The following PTPRD variants were observed in gnomAD, a reference collection of about 807,000 sequenced individuals.
PTPRD encodes protein tyrosine phosphatase receptor type D, also known as receptor-type tyrosine-protein phosphatase delta.
A neutral mutation model predicts 214.5 loss-of-function variants in PTPRD; 34 were observed. The observed-to-expected ratio is 0.16, with a 90% CI of 0.12 to 0.21. The LOEUF (loss-of-function observed/expected upper bound fraction) is 0.21, where lower values mean the gene tolerates loss of function less well. PTPRD is among the 10% of genes least tolerant of loss of function. The pLI is 1.00. For synonymous variants in PTPRD, 1,128 were observed against 845.7 expected (o/e 1.33, Z -5.79); for missense variants, 2,545 against 2,398.7 (o/e 1.06, Z -1.27).
intron 3 of PTPRD, among the ~76,000 whole-genome samples, chr9:10,339,097 GATAC>G (rs2096894304): frequency 6.6e-6 from 1 of 151,634 alleles, no homozygotes; most frequent in Admixed American, 6.6e-5. Context: ...TTTATTAGTG[GATAC>G]ATGTAAGTCC....
At chr9:8,688,869 G>T (rs2097748107) in intron 12 of PTPRD, among the ~76,000 whole-genome samples, 1 of 152,078 alleles carries the variant, frequency 6.6e-6, no homozygotes. Context: ...AATCTCTAAA[G>T]TCCCTTGCAG....
At chr9:9,115,101 G>A (rs1036937790) in intron 10 of PTPRD, among the ~76,000 whole-genome samples, 7 of 152,130 alleles carry the variant, frequency 4.6e-5, no homozygotes, top group African/African-American at 1.7e-4. Flanking sequence ...CTACGGTGTT[G>A]TTGGAGGTAG....
intron 3 of PTPRD, among the ~76,000 whole-genome samples, chr9:10,126,946 C>CTTTTT (rs34691762): frequency 8.4e-5 from 11 of 130,572 alleles, no homozygotes; most frequent in African/African-American, 1.9e-4. Context: ...CTCAAATGGA[C>CTTTTT]TTTTTTTTTT....
chr9:8,612,583 C>A (rs894768150), intron 14 of PTPRD, among the ~76,000 whole-genome samples: 13 of 152,174 alleles, frequency 8.5e-5, no homozygotes, highest in African/African-American at 3.1e-4. Context: ...TCAGAAGAAG[C>A]AAGACAGAAG....
intron 14 of PTPRD, among the ~76,000 whole-genome samples, chr9:8,633,033 G>A (rs2091216530): frequency 6.6e-6 from 1 of 151,858 alleles, no homozygotes; most frequent in South Asian, 2.1e-4. Flanking sequence ...ACCATATCCT[G>A]TTTCCTTTCT....
chr9:8,721,260 T>C (rs1485086031), intron 12 of PTPRD, among the ~76,000 whole-genome samples: 1 of 151,548 alleles, frequency 6.6e-6, no homozygotes, highest in Non-Finnish European at 1.5e-5. Flanking sequence ...AAAAACCCCA[T>C]CCCTACTAAT....
chr9:8,633,609 T>A, intron 13 of PTPRD, 151 bp from the exon 14 acceptor site: 1 of 844,452 alleles, frequency 1.2e-6, no homozygotes, highest in South Asian at 2.0e-5. Context: ...TGAAAAAATA[T>A]TTGGTCTAAT....
At chr9:10,334,723 C>T (rs2154437335) in intron 3 of PTPRD, among the ~76,000 whole-genome samples, 1 of 151,558 alleles carries the variant, frequency 6.6e-6, no homozygotes, top group East Asian at 2.0e-4. Flanking sequence ...AAGGATTCAG[C>T]ACACAAGGTC....
intron 2 of PTPRD, among the ~76,000 whole-genome samples, chr9:10,459,308 T>C (rs1008159469): frequency 1.3e-5 from 2 of 152,154 alleles, no homozygotes; most frequent in Admixed American, 6.5e-5. Flanking sequence ...TTGATGGGCA[T>C]TTGGGTTTGT....
intron 2 of PTPRD, among the ~76,000 whole-genome samples, chr9:10,502,568 A>G (rs577546567): frequency 6.6e-6 from 1 of 152,134 alleles, no homozygotes; most frequent in African/African-American, 2.4e-5. Flanking sequence ...ATTTTTTTGC[A>G]AGCAAGTTAG....
chr9:9,261,039 G>C (rs1342996101), intron 9 of PTPRD, among the ~76,000 whole-genome samples: 1 of 151,804 alleles, frequency 6.6e-6, no homozygotes, highest in Non-Finnish European at 1.5e-5. Context: ...AAAAGCAAGA[G>C]AGTTGATTAA....
chr9:9,671,942 C>A (rs375475141), intron 7 of PTPRD, among the ~76,000 whole-genome samples: 2 of 152,122 alleles, frequency 1.3e-5, no homozygotes, highest in South Asian at 2.1e-4. Flanking sequence ...AGAAGACTAT[C>A]ATTAGGGGGT....
Position 8,391,094 on chromosome 9 carries a change from C to A in PTPRD, c.4211-1687G>T, listed in dbSNP as rs555992186. Among the ~76,000 whole-genome samples the A allele has an allele frequency of 7.2e-5, 11 of 152,182 alleles. No homozygotes were observed. The South Asian group carries it at 1.4e-3, about 20-fold the overall frequency. The stretch of plus-strand genomic sequence containing the variant: ...AGGTACACTAGAACTTGTGCATGAT[C>A]CCTTCTACCCTGGGAAATATGAATC... On this transcript the variant is annotated intron_variant, in intron 36 of 45. Transcript: ENST00000381196.
chr9:8,659,463 A>AT (rs2096985814), intron 12 of PTPRD, among the ~76,000 whole-genome samples: 2 of 152,252 alleles, frequency 1.3e-5, no homozygotes, highest in African/African-American at 4.8e-5. Context: ...TTCAAATACT[A>AT]CTACTAAATA....
intron 10 of PTPRD, among the ~76,000 whole-genome samples, chr9:9,069,176 C>A: frequency 6.6e-6 from 1 of 152,136 alleles, no homozygotes; most frequent in Non-Finnish European, 1.5e-5. Context: ...AAGACAAGAA[C>A]TAATTTAGTG....
At position 9,692,650 on chromosome 9, in the gene PTPRD, T is replaced by C. The variant is rs80175194; in HGVS notation, c.-287+41883A>G. Among the ~76,000 whole-genome samples, 414 of 150,096 alleles carry C rather than the reference T, an allele frequency of 2.8e-3. 7 individuals are homozygous for C. Among genetic ancestry groups the C allele is most frequent in the African/African-American group, 7.3e-3 (300 of 40,940 alleles). ...ATATAAATTTTAAGTTTTTTTTTTT[T>C]CTATTTCTGTGAAGACTGTCATTGG... On this transcript the variant is annotated intron_variant, in intron 7 of 45. Transcript: ENST00000381196.
At chr9:10,396,752 A>C (rs1023703020) in intron 2 of PTPRD, among the ~76,000 whole-genome samples, 13 of 152,166 alleles carry the variant, frequency 8.5e-5, no homozygotes, top group African/African-American at 3.1e-4. Context: ...ATTGCCTGTA[A>C]TGCAATACTG....
intron 5 of PTPRD, among the ~76,000 whole-genome samples, chr9:9,913,849 C>T (rs1216161756): frequency 6.6e-6 from 1 of 152,154 alleles, no homozygotes; most frequent in Non-Finnish European, 1.5e-5. Flanking sequence ...CATTCCCTGC[C>T]ATTAGCCAAG....
At chr9:10,125,318 G>C (rs182408396) in intron 3 of PTPRD, among the ~76,000 whole-genome samples, 1 of 151,716 alleles carries the variant, frequency 6.6e-6, no homozygotes, top group Non-Finnish European at 1.5e-5. Context: ...TAAAGTGGTT[G>C]TGAGGAAGAA....
Sources: gnomAD v4.1 joint callset for allele counts (sites outside exome capture counted in the v4.1 genomes callset) on GRCh38, gnomAD v4.1.1 for gene constraint, MANE v1.5 for transcripts, NCBI Gene and HGNC (gene_info 2026-07-23, HGNC 2026-07-21) for gene names.